IPO4: variants seen among roughly 807,000 people sequenced by gnomAD.
IPO4 encodes the protein importin-4.
A neutral mutation model predicts 133.5 loss-of-function variants in IPO4; 91 were observed. The ratio of observed to expected loss-of-function variants is 0.68; its 90% CI spans 0.58 to 0.81. IPO4 has a LOEUF of 0.81. Ranked by LOEUF, IPO4 falls within the 30% of genes least tolerant of loss-of-function variation. The pLI, the probability that IPO4 is intolerant of heterozygous loss-of-function variation, is 0.00. For missense variants in IPO4, 1,279 were observed against 1,386.2 expected, an observed-to-expected ratio of 0.92 and a Z score of 1.23; for synonymous variants, 607 against 581.6, an observed-to-expected ratio of 1.04 and a Z score of -0.63.
At chr14:24,182,464 C>A in intron 24 of IPO4, 61 bp from the exon 25 acceptor site, 1 of 1,566,488 alleles carries the variant, frequency 6.4e-7, no homozygotes. Flanking sequence ...ACACCTCCCT[C>A]CCACGCTCTG....
intron 12 of IPO4, 47 bp from the exon 13 acceptor site, chr14:24,185,614 G>A: frequency 1.3e-6 from 2 of 1,522,626 alleles, no homozygotes; most frequent in Non-Finnish European, 1.8e-6. Flanking sequence ...CTACACCTGA[G>A]AGCCCTAGGC....
chr14:24,180,980 A>G (rs2039128020), intron 28 of IPO4, among the ~76,000 whole-genome samples: 1 of 152,168 alleles, frequency 6.6e-6, no homozygotes, highest in Non-Finnish European at 1.5e-5. Context: ...AGATGATTAA[A>G]GTCATAGCCT....
rs1039188699 is a variant in IPO4 at position 24,188,711 on chromosome 14, C to T, written c.69+8G>A. 3.2e-6 allele frequency: 5 copies of T among 1,585,402 alleles called. No individual in the cohort carries two copies. The East Asian group carries it at 1.1e-4, about 36-fold the overall frequency. On this transcript the variant is annotated splice_region_variant and intron_variant, in intron 1 of 29. Coordinates refer to ENST00000354464, the MANE Select transcript of IPO4 (RefSeq NM_024658.4). ...GCTCGCCCTGGCCCGGTTACGCCTG[C>T]TCCGTACCCGACGGATGCGCTCGGT...
chr14:24,183,180 T>A lies in IPO4; in HGVS notation c.2228-11A>T, dbSNP rs369934334. ...GGGCAGCCTGCAAAGCTGGGGACAT[T>A]ATTGGCTGAAGCACCAGTCAGGCCC... On this transcript the variant is annotated splice_polypyrimidine_tract_variant and intron_variant, in intron 22 of 29. Transcript: ENST00000354464. The A allele has an allele frequency of 2.5e-6, 4 of 1,610,176 alleles. No individual in the cohort carries two copies. The highest frequency in any genetic ancestry group is 2.2e-5 in the South Asian group (2 of 91,018).
rs934455873 is a variant in IPO4, at chr14:24,182,897, G to A, written c.2422-55C>T. Reference sequence around the variant, plus strand: ...TTTCACGCCCCTTCTCTTTTCATGGGGGTAGGGGGTGGACTTGTAGCCAGT... The same window carrying A: ...TTTCACGCCCCTTCTCTTTTCATGGAGGTAGGGGGTGGACTTGTAGCCAGT... On this transcript the variant is annotated intron_variant, in intron 23 of 29. Transcript: ENST00000354464. 5.8e-6 allele frequency: 9 copies of A among 1,549,386 alleles called. No homozygotes were observed. In the African/African-American group the frequency reaches 8.9e-5, roughly 15 times the overall value.
At chr14:24,184,822 C>T in intron 15 of IPO4, 45 bp downstream of exon 15, 1 of 1,605,074 alleles carries the variant, frequency 6.2e-7, no homozygotes, top group Admixed American at 1.7e-5. Flanking sequence ...AGCCACAGGG[C>T]CTTTGGGTGA....
intron 24 of IPO4, 180 bp downstream of exon 24, chr14:24,182,612 C>T: frequency 1.1e-6 from 1 of 942,010 alleles, no homozygotes; most frequent in East Asian, 2.4e-5. Flanking sequence ...CCAGTCCACA[C>T]TGCTCTCCTT....
chr14:24,188,464 G>A, intron 2 of IPO4, 41 bp from the exon 3 acceptor site: 2 of 1,608,524 alleles, frequency 1.2e-6, no homozygotes, highest in Non-Finnish European at 1.7e-6. Flanking sequence ...CGGGCAGGAA[G>A]GTGCTGAGCG....
intron 21 of IPO4, 30 bp downstream of exon 21, chr14:24,183,426 C>G: frequency 6.2e-7 from 1 of 1,600,638 alleles, no homozygotes. Context: ...GCCTGAGAAC[C>G]CCACCCACTC....
Position 24,185,931 on chromosome 14 carries a change from A to G in IPO4, c.1099T>C (p.Tyr367His). 1 of 1,614,118 alleles carries G rather than the reference A, an allele frequency of 6.2e-7. No individual in the cohort carries two copies. The highest frequency in any genetic ancestry group is 8.5e-7 in the Non-Finnish European group (1 of 1,180,026). The change falls in exon 12 of 30, where the codon TAC (tyrosine) becomes CAC (histidine). Residue 367 changes from tyrosine to histidine, a missense_variant. Physicochemically the swap from Tyr to His is moderately conservative, Grantham distance 83. This residue lies in a region of IPO4 where 695 missense variants were observed against 704.1 expected (regional missense o/e 0.99). Coordinates refer to ENST00000354464, the MANE Select transcript of IPO4 (RefSeq NM_024658.4). ...LEEALRSESP[Y>H]QRKAGLLVLA... ...ACCAGGAGTCCAGCTTTGCGCTGGT[A>G]TGGGCTCTCGCTCCGCAAAGCCTCT... is the stretch of plus-strand genomic sequence containing the variant.
chr14:24,182,604 A>C, intron 24 of IPO4, 188 bp downstream of exon 24: 2 of 937,462 alleles, frequency 2.1e-6, no homozygotes, highest in Non-Finnish European at 1.7e-6. Flanking sequence ...AGCACACCCC[A>C]GTCCACACTG....
intron 24 of IPO4, 57 bp downstream of exon 24, chr14:24,182,734 CT>C (rs1183385609): frequency 5.0e-6 from 8 of 1,589,578 alleles, no homozygotes; most frequent in Non-Finnish European, 6.9e-6. Context: ...CTGTCCACCC[CT>C]GTCCCTGTGG....
In IPO4 at chr14:24,184,896, TC is replaced by T. The variant is rs777550193; in HGVS notation, c.1492del (p.Glu498SerfsTer4). ...LRNPSSPRAK[E>X]LAVSALGAIA... Reference sequence around the variant, plus strand: ...GGCTCCCAGGGCGCTCACAGCCAGCTCCTTGGCCCGGGGACTGCTGGGGTTC... The same window carrying T: ...GGCTCCCAGGGCGCTCACAGCCAGCTCTTGGCCCGGGGACTGCTGGGGTTC... On this transcript the variant is annotated frameshift_variant, in exon 15 of 30. Coordinates refer to ENST00000354464, the MANE Select transcript of IPO4 (RefSeq NM_024658.4). LOFTEE classifies it high-confidence loss of function. 1.2e-6 allele frequency: 2 copies of T among 1,614,036 alleles called. No individual in the cohort carries two copies. Among genetic ancestry groups the T allele is most frequent in the Non-Finnish European group, 1.7e-6 (2 of 1,179,990 alleles).
chr14:24,182,287 C>T lies in IPO4; in HGVS notation c.2589G>A (p.Val863=), dbSNP rs2039152746. The T allele has an allele frequency of 1.2e-6, 2 of 1,614,040 alleles. No homozygotes were observed. The highest frequency in any genetic ancestry group is 2.2e-5 in the South Asian group (2 of 91,086). ...GAAGATGGACACTCACTGTCTTGCA[C>T]ACCAATAATGGCAGGAAACCGGCAA... ...PFFAGFLPLL[V]CKTKQGCTVA... Residue 863 remains valine (V), a synonymous_variant, in exon 25 of 30, where the codon GTG becomes GTA. Transcript: ENST00000354464.
At chr14:24,186,620 A>T in intron 9 of IPO4, 88 bp downstream of exon 9, 1 of 1,388,586 alleles carries the variant, frequency 7.2e-7, no homozygotes. Flanking sequence ...AGTACTTTAG[A>T]TACCCTGAGA....
At chr14:24,186,828 G>A in intron 8 of IPO4, 37 bp from the exon 9 acceptor site, 1 of 1,612,752 alleles carries the variant, frequency 6.2e-7, no homozygotes, top group Non-Finnish European at 8.5e-7. Context: ...GACAGGGAAG[G>A]AGAGTCCCAG....
At chr14:24,188,083 C>G in intron 4 of IPO4, 133 bp downstream of exon 4, 1 of 982,308 alleles carries the variant, frequency 1.0e-6, no homozygotes, top group Admixed American at 2.2e-5. Flanking sequence ...TTCAAAACAG[C>G]CTTAAAATCC....
In IPO4 at chr14:24,185,940, C is replaced by G; in HGVS notation, c.1090G>C (p.Glu364Gln). The part of the protein sequence containing the change: ...MPMLEEALRS[E>Q]SPYQRKAGLL... ...CCAGCTTTGCGCTGGTATGGGCTCT[C>G]GCTCCGCAAAGCCTCTTCCAACATG... Residue 364 changes from glutamate (E) to glutamine (Q), a missense_variant, in exon 12 of 30, where the codon GAG becomes CAG. Coordinates refer to ENST00000354464, the MANE Select transcript of IPO4 (RefSeq NM_024658.4). The G allele has an allele frequency of 6.2e-7, 1 of 1,614,088 alleles. No individual in the cohort carries two copies. The highest frequency in any genetic ancestry group is 1.3e-5 in the African/African-American group (1 of 75,054).
Position 24,180,448 on chromosome 14 carries a change from G to A in IPO4, c.3240C>T (p.Leu1080=). Residue 1080 remains leucine, a synonymous_variant, in exon 30 of 30, where the codon CTC becomes CTT. Transcript: ENST00000354464. Reference sequence around the variant, plus strand: ...ACTGGCTGCAGCCTGCAGTCTAGGAGAGGCCCAGTACAGCCTGGAGCTCCT... The same window carrying A: ...ACTGGCTGCAGCCTGCAGTCTAGGAAAGGCCCAGTACAGCCTGGAGCTCCT... ...KAQELQAVLG[L]S is the part of the protein sequence containing the mutation. 6.2e-7 allele frequency: 1 copy of A among 1,609,646 alleles called. No individual in the cohort carries two copies. The highest frequency in any genetic ancestry group is 8.5e-7 in the Non-Finnish European group (1 of 1,176,932).
Sources: gnomAD v4.1 joint callset for allele counts (sites outside exome capture counted in the v4.1 genomes callset) on GRCh38, gnomAD v4.1.1 for gene constraint, gnomAD v4.1.1 regional missense constraint, MANE v1.5 for transcripts, NCBI Gene and HGNC (gene_info 2026-07-23, HGNC 2026-07-21) for gene names.